GFM2: variants seen among roughly 807,000 people sequenced by gnomAD.
The protein encoded by GFM2 is ribosome-releasing factor 2, mitochondrial.
In GFM2, 72 loss-of-function variants were observed where a neutral mutation model predicts 95.4. The ratio of observed to expected loss-of-function variants is 0.76; its 90% confidence interval spans 0.62 to 0.92. The LOEUF is 0.92. GFM2 is among the 40% of genes least tolerant of loss of function. The probability of loss-of-function intolerance (pLI) is 0.00; values close to 1 mark genes in which losing one functional copy is unlikely to be tolerated. For missense variants in GFM2, 825 were observed against 924.1 expected (o/e 0.89, Z 1.39); for synonymous variants, 276 against 317.5 (o/e 0.87, Z 1.39).
intron 14 of GFM2, 30 bp downstream of exon 14, chr5:74,738,288 A>G: frequency 6.5e-7 from 1 of 1,534,794 alleles, no homozygotes; most frequent in Non-Finnish European, 8.9e-7. Flanking sequence ...TTAAGCTGTT[A>G]TTTCCTAGAG....
At chr5:74,763,302 T>C (rs1744376807) in intron 2 of GFM2, among the ~76,000 whole-genome samples, 1 of 152,226 alleles carries the variant, frequency 6.6e-6, no homozygotes, top group Admixed American at 6.5e-5. Context: ...ACAGAAACTT[T>C]ATTTCATAAG....
chr5:74,748,919 A>AATAAAATAAAATAAAATAAAAT (rs1743541316), intron 7 of GFM2, among the ~76,000 whole-genome samples: 1 of 137,194 alleles, frequency 7.3e-6, no homozygotes, highest in African/African-American at 3.0e-5. Flanking sequence ...TAAAAAAATA[A>AATAAAATAAAATAAAATAAAAT]AAAAAAATAA....
intron 19 of GFM2, among the ~76,000 whole-genome samples, chr5:74,723,474 G>A (rs752203112): frequency 6.6e-6 from 1 of 152,088 alleles, no homozygotes; most frequent in Non-Finnish European, 1.5e-5. Context: ...CAAGTAAGCT[G>A]TAAGATTTTT....
At chr5:74,757,725 T>G (rs1294728020) in intron 5 of GFM2, among the ~76,000 whole-genome samples, 1 of 93,512 alleles carries the variant, frequency 1.1e-5, no homozygotes, top group Admixed American at 1.4e-4. Flanking sequence ...CAAGAGCCTA[T>G]GTCTCTAAAA....
chr5:74,761,312 G>T (rs1314793024), intron 2 of GFM2, among the ~76,000 whole-genome samples: 1 of 152,156 alleles, frequency 6.6e-6, no homozygotes, highest in Non-Finnish European at 1.5e-5. Context: ...AGAAACTCTT[G>T]GGGATGGAGC....
At chr5:74,760,122 C>A (rs545497509) in intron 3 of GFM2, among the ~76,000 whole-genome samples, 1 of 152,242 alleles carries the variant, frequency 6.6e-6, no homozygotes, top group Admixed American at 6.5e-5. Context: ...GTTATTTAAA[C>A]CATTTCTCCC....
chr5:74,743,071 A>C (rs1042523389), intron 10 of GFM2, among the ~76,000 whole-genome samples: 12 of 152,206 alleles, frequency 7.9e-5, no homozygotes, highest in Non-Finnish European at 1.8e-4. Flanking sequence ...ATATACATTA[A>C]TTAAACAACA....
chr5:74,753,630 C>T (rs1450449621), intron 5 of GFM2, among the ~76,000 whole-genome samples: 2 of 151,918 alleles, frequency 1.3e-5, no homozygotes. Context: ...AGTTCAAAGA[C>T]AAGGCTTTTG....
chr5:74,756,666 T>TAC (rs1491063422), intron 5 of GFM2, among the ~76,000 whole-genome samples: 1 of 85,606 alleles, frequency 1.2e-5, no homozygotes, highest in African/African-American at 1.2e-4. Context: ...AGTGTGTGTG[T>TAC]ATATATATAT....
In GFM2 at chr5:74,738,615, T is replaced by C. The variant is rs1742958422; in HGVS notation, c.1107A>G (p.Ala369=). ...TGTCATGGAGAACTTTAAATGCCAA[T>C]GCACATAAGTCATCCTTATACCACT... is the stretch of plus-strand genomic sequence containing the variant. The part of the protein sequence containing the change: ...FLQWYKDDLC[A]LAFKVLHDKQ... Residue 369 remains alanine (A), a synonymous_variant, in exon 13 of 21, where the codon GCA becomes GCG. Coordinates refer to ENST00000296805, the MANE Select transcript of GFM2 (RefSeq NM_032380.5). 6.2e-7 allele frequency: 1 copy of C among 1,613,036 alleles called. No individual in the cohort carries two copies. Among genetic ancestry groups the C allele is most frequent in the Non-Finnish European group, 8.5e-7 (1 of 1,179,488 alleles).
chr5:74,763,831 G>T, intron 1 of GFM2, 65 bp from the exon 2 acceptor site: 1 of 926,044 alleles, frequency 1.1e-6, no homozygotes, highest in Non-Finnish European at 1.8e-6. Context: ...CAAGGCATAT[G>T]TAAGTTAGAC....
intron 5 of GFM2, among the ~76,000 whole-genome samples, chr5:74,754,842 G>A (rs766439050): frequency 1.9e-4 from 29 of 152,138 alleles, no homozygotes; most frequent in South Asian, 4.1e-4. Context: ...CTGGCCAGGC[G>A]CAGTGGCTCA....
chr5:74,745,530 C>A, intron 10 of GFM2, 148 bp downstream of exon 10: 1 of 585,464 alleles, frequency 1.7e-6, no homozygotes, highest in African/African-American at 1.9e-5. Context: ...AATACTACAT[C>A]ATTTTATATC....
Position 74,725,727 on chromosome 5 carries a change from A to C in GFM2, c.1941T>G (p.Asp647Glu), listed in dbSNP as rs1750114343. ...QGPLLGSPIQDVAITLHSLTI... is the reference protein window; with the variant it reads ...QGPLLGSPIQEVAITLHSLTI... Reference sequence around the variant, plus strand: ...TCAGGGAATGTAAAGTAATTGCTACATCCTGAATTGGGGATCCAAGCAATG... The same window carrying C: ...TCAGGGAATGTAAAGTAATTGCTACCTCCTGAATTGGGGATCCAAGCAATG... The change falls in exon 19 of 21, where the codon GAT becomes GAG. Residue 647 changes from aspartate to glutamate, a missense_variant. Transcript: ENST00000296805. 4.3e-6 allele frequency: 7 copies of C among 1,613,732 alleles called. No homozygotes were observed. Among genetic ancestry groups the C allele is most frequent in the Non-Finnish European group, 5.9e-6 (7 of 1,179,710 alleles).
In GFM2 at chr5:74,721,404, G is replaced by T; in HGVS notation, c.*251C>A. On this transcript the variant is annotated 3_prime_UTR_variant, in exon 21 of 21. Transcript: ENST00000296805. ...ACCACTCTTCTGAAGGCTACTTATA[G>T]TAATAACTTCATAGATGAACAGCAT... is the stretch of plus-strand genomic sequence containing the variant. 1 of 715,992 alleles carries T rather than the reference G, an allele frequency of 1.4e-6. No homozygotes were observed. The highest frequency in any genetic ancestry group is 2.5e-6 in the Non-Finnish European group (1 of 395,204). The allele number at this position is 715,992 out of a possible 1,614,324, so 44.4% of individuals were successfully genotyped here.
intron 17 of GFM2, among the ~76,000 whole-genome samples, chr5:74,727,569 T>C (rs887414200): frequency 4.6e-5 from 7 of 152,232 alleles, no homozygotes; most frequent in Non-Finnish European, 4.4e-5. Context: ...TGTATTATTA[T>C]AAGTATGAAC....
intron 5 of GFM2, among the ~76,000 whole-genome samples, chr5:74,757,460 T>C (rs1744046290): frequency 6.6e-6 from 1 of 152,026 alleles, no homozygotes; most frequent in African/African-American, 2.4e-5. Context: ...TAGTTTGAAA[T>C]AAATAAATAA....
At chr5:74,723,528 A>G (rs757939250) in intron 19 of GFM2, among the ~76,000 whole-genome samples, 1 of 152,076 alleles carries the variant, frequency 6.6e-6, no homozygotes, top group Non-Finnish European at 1.5e-5. Flanking sequence ...GGTCAAACTT[A>G]GTCCATTTCC....
chr5:74,748,054 GGA>G (rs1743479346), intron 7 of GFM2, among the ~76,000 whole-genome samples: 1 of 152,202 alleles, frequency 6.6e-6, no homozygotes, highest in Admixed American at 6.5e-5. Flanking sequence ...TAACACCTCA[GGA>G]GGTACTGAGA....
Sources: gnomAD v4.1 joint callset for allele counts (sites outside exome capture counted in the v4.1 genomes callset) on GRCh38, gnomAD v4.1.1 for gene constraint, MANE v1.5 for transcripts, NCBI Gene and HGNC (gene_info 2026-07-23, HGNC 2026-07-21) for gene names.